PKIG: variants seen among roughly 807,000 people sequenced by gnomAD.
The protein encoded by PKIG is protein kinase (cAMP-dependent, catalytic) inhibitor gamma.
A neutral mutation model predicts 6.8 loss-of-function variants in PKIG; 1 was observed. The ratio of observed to expected loss-of-function variants is 0.15; its 90% CI spans 0.05 to 0.69. The LOEUF (loss-of-function observed/expected upper bound fraction) is 0.69, where lower values mean the gene tolerates loss of function less well. Ranked by LOEUF, PKIG falls within the 30% of genes least tolerant of loss-of-function variation. The pLI is 0.82. For synonymous variants in PKIG, 39 were observed against 43.0 expected, an observed-to-expected ratio of 0.91 and a Z score of 0.36; for missense variants, 77 against 104.0, an observed-to-expected ratio of 0.74 and a Z score of 1.13.
intron 1 of PKIG, among the ~76,000 whole-genome samples, chr20:44,536,456 G>A (rs980285551): frequency 6.6e-6 from 1 of 152,186 alleles, no homozygotes. Context: ...AGCGGAAAGG[G>A]AAAGGAGAGG....
intron 2 of PKIG, among the ~76,000 whole-genome samples, chr20:44,610,209 CCCT>C (rs1407246462): frequency 1.3e-5 from 2 of 152,130 alleles, no homozygotes; most frequent in Non-Finnish European, 2.9e-5. Context: ...AGTGTCCTGG[CCCT>C]CCTCTATTTT....
In PKIG at chr20:44,614,560, A is replaced by T; in HGVS notation, c.4A>T (p.Met2Leu). The T allele has an allele frequency of 6.2e-7, 1 of 1,613,958 alleles. No homozygotes were observed. The highest frequency in any genetic ancestry group is 8.5e-7 in the Non-Finnish European group (1 of 1,179,910). M[M>L]EVESSYSDFI... ...CCTGAGGAGCGATGCGACAGGCATGATGGAGGTCGAGTCCTCCTACTCGGA... is the reference window on the plus strand; with the variant it reads ...CCTGAGGAGCGATGCGACAGGCATGTTGGAGGTCGAGTCCTCCTACTCGGA... The change falls in exon 3 of 4, where the codon ATG becomes TTG. Residue 2 changes from methionine (M) to leucine (L), a missense_variant. Coordinates refer to ENST00000372886, the MANE Select transcript of PKIG (RefSeq NM_001281445.2). The surrounding 1 kb of genome is among the most constrained non-coding windows in gnomAD (Gnocchi z 4.6).
intron 2 of PKIG, among the ~76,000 whole-genome samples, chr20:44,591,114 G>A (rs1253855461): frequency 1.3e-5 from 2 of 152,206 alleles, no homozygotes; most frequent in Non-Finnish European, 2.9e-5. Flanking sequence ...AGGTCCAGAG[G>A]GCTAGTGGGC....
chr20:44,594,213 C>T (rs953125076), intron 2 of PKIG, among the ~76,000 whole-genome samples: 5 of 152,188 alleles, frequency 3.3e-5, no homozygotes, highest in Non-Finnish European at 7.4e-5. Context: ...CTTTGCTTTT[C>T]TGATAATAGT....
chr20:44,601,284 C>T (rs559441991), intron 2 of PKIG, among the ~76,000 whole-genome samples: 13 of 152,372 alleles, frequency 8.5e-5, no homozygotes, highest in African/African-American at 3.1e-4. Flanking sequence ...GGCCAAGGCC[C>T]GGCCTCTCTG....
intron 1 of PKIG, among the ~76,000 whole-genome samples, chr20:44,570,187 A>G (rs942869177): frequency 3.3e-5 from 5 of 152,216 alleles, no homozygotes; most frequent in Admixed American, 6.5e-5. Flanking sequence ...GCCAGGTACT[A>G]TGCATAGTCT....
intron 1 of PKIG, among the ~76,000 whole-genome samples, chr20:44,589,383 A>G (rs1600878326): frequency 1.3e-5 from 2 of 152,252 alleles, no homozygotes; most frequent in African/African-American, 2.4e-5. Flanking sequence ...TTAAAAAATG[A>G]TAATATATGC....
chr20:44,596,553 C>T (rs933607737), intron 2 of PKIG, among the ~76,000 whole-genome samples: 2 of 152,226 alleles, frequency 1.3e-5, no homozygotes, highest in Admixed American at 1.3e-4. Flanking sequence ...CCCTGGCTTG[C>T]AAACATGTTG....
chr20:44,541,123 G>A (rs1053720794), intron 1 of PKIG, among the ~76,000 whole-genome samples: 1 of 152,320 alleles, frequency 6.6e-6, no homozygotes, highest in Admixed American at 6.5e-5. Context: ...AGCAAGAGTA[G>A]CCCTCATTTT....
intron 1 of PKIG, among the ~76,000 whole-genome samples, chr20:44,575,108 G>A (rs542558758): frequency 6.6e-6 from 1 of 152,032 alleles, no homozygotes; most frequent in African/African-American, 2.4e-5. Context: ...CTGGAGTGCA[G>A]TGGCACCATC....
chr20:44,615,938 G>A (rs549972320), intron 3 of PKIG, among the ~76,000 whole-genome samples: 141 of 152,124 alleles, frequency 9.3e-4, no homozygotes, highest in Middle Eastern at 3.4e-3. Context: ...CCCTGTCGAC[G>A]GAACCCCACC....
At position 44,546,998 on chromosome 20, in the gene PKIG, T is replaced by C. The variant is rs959713735; in HGVS notation, c.-241+15020T>C. The stretch of plus-strand genomic sequence containing the variant: ...TAACATTTCTCATAAATAGTCCTCC[T>C]CCATAATTACCTTTGTGTTTATTTT... On this transcript the variant is annotated intron_variant, in intron 1 of 4. Transcript: ENST00000372887. 2.1e-4 allele frequency among the ~76,000 whole-genome samples: 32 copies of C among 152,222 alleles called. 1 individual carries two copies. Among genetic ancestry groups the C allele is most frequent in the African/African-American group, 7.5e-4 (31 of 41,460 alleles).
At position 44,614,794 on chromosome 20, in the gene PKIG, T is replaced by C; in HGVS notation, c.151+87T>C. ...TAGCCTCCAAGTCCTAGACTGCCCATACTTTCTTAGAGAAGAAACCACATT... is the reference window on the plus strand; with the variant it reads ...TAGCCTCCAAGTCCTAGACTGCCCACACTTTCTTAGAGAAGAAACCACATT... On this transcript the variant is annotated intron_variant, in intron 3 of 3. Coordinates refer to ENST00000372886, the MANE Select transcript of PKIG (RefSeq NM_001281445.2). This position sits in a 1 kb window ranked among gnomAD's most constrained non-coding sequence, Gnocchi z 4.6. The C allele has an allele frequency of 7.2e-7, 1 of 1,386,808 alleles. No homozygotes were observed. Among genetic ancestry groups the C allele is most frequent in the Non-Finnish European group, 9.9e-7 (1 of 1,006,788 alleles). The allele number at this position is 1,386,808 out of a possible 1,614,324, so 85.9% of individuals were successfully genotyped here.
intron 1 of PKIG, among the ~76,000 whole-genome samples, chr20:44,559,326 A>G (rs1039078425): frequency 6.6e-6 from 1 of 152,238 alleles, no homozygotes; most frequent in African/African-American, 2.4e-5. Context: ...TATACAAACT[A>G]TTCTACTGCT....
intron 2 of PKIG, among the ~76,000 whole-genome samples, chr20:44,601,621 C>T (rs569769481): frequency 5.0e-4 from 76 of 152,330 alleles, no homozygotes; most frequent in South Asian, 2.5e-3. Context: ...TCTGTTTCCA[C>T]GGCCCTTTCG....
At chr20:44,605,123 A>G (rs904531422) in intron 2 of PKIG, among the ~76,000 whole-genome samples, 1 of 152,142 alleles carries the variant, frequency 6.6e-6, no homozygotes, top group African/African-American at 2.4e-5. Flanking sequence ...ATTCAGAAAC[A>G]GGCCAGGTGC....
intron 1 of PKIG, among the ~76,000 whole-genome samples, chr20:44,549,978 T>TTTC (rs2064653164): frequency 6.6e-6 from 1 of 152,040 alleles, no homozygotes; most frequent in East Asian, 1.9e-4. Context: ...TCTTCCTTGT[T>TTTC]AATCATTTAA....
At chr20:44,534,001 A>C (rs749832962) in intron 1 of PKIG, among the ~76,000 whole-genome samples, 3 of 152,250 alleles carry the variant, frequency 2.0e-5, no homozygotes, top group Non-Finnish European at 4.4e-5. Context: ...TCAAAGGTTC[A>C]ATATAATATA....
At chr20:44,565,348 A>C (rs1187755356) in intron 1 of PKIG, among the ~76,000 whole-genome samples, 5 of 152,260 alleles carry the variant, frequency 3.3e-5, no homozygotes, top group African/African-American at 1.2e-4. Flanking sequence ...TATTGGGGGC[A>C]TGTATTGGTC....
Sources: gnomAD v4.1 joint callset for allele counts (sites outside exome capture counted in the v4.1 genomes callset) on GRCh38, gnomAD v4.1.1 for gene constraint, Gnocchi (gnomAD v3.1) non-coding constraint, MANE v1.5 for transcripts, NCBI Gene and HGNC (gene_info 2026-07-23, HGNC 2026-07-21) for gene names.